SRGAP3: variants seen among roughly 807,000 people sequenced by gnomAD.
SRGAP3 encodes the protein SLIT-ROBO Rho GTPase-activating protein 3.
In SRGAP3, 39 loss-of-function variants were observed where a neutral mutation model predicts 121.1. The observed-to-expected ratio is 0.32, with a 90% confidence interval of 0.25 to 0.42. SRGAP3 has a LOEUF of 0.42. Ranked by LOEUF, SRGAP3 falls within the 10% of genes least tolerant of loss-of-function variation. The probability of loss-of-function intolerance (pLI) is 1.00; values close to 1 mark genes in which losing one functional copy is unlikely to be tolerated. For synonymous variants in SRGAP3, 601 were observed against 570.0 expected, an observed-to-expected ratio of 1.05 and a Z score of -0.77; for missense variants, 1,213 against 1,470.6, an observed-to-expected ratio of 0.82 and a Z score of 2.86.
At chr3:9,282,611 C>A (rs1954699790) in intron 3 of SRGAP3, among the ~76,000 whole-genome samples, 1 of 152,048 alleles carries the variant, frequency 6.6e-6, no homozygotes, top group African/African-American at 2.4e-5. Flanking sequence ...CTGCCTCAGC[C>A]TCCCAAGTAG....
At chr3:9,258,929 G>A (rs923533876) in intron 3 of SRGAP3, among the ~76,000 whole-genome samples, 10 of 152,108 alleles carry the variant, frequency 6.6e-5, no homozygotes, top group East Asian at 1.9e-4. Flanking sequence ...ATAATTTCCC[G>A]TGGGCAGCCT....
chr3:9,266,438 G>C (rs1476451448), intron 3 of SRGAP3, among the ~76,000 whole-genome samples: 2 of 152,076 alleles, frequency 1.3e-5, no homozygotes, highest in Non-Finnish European at 2.9e-5. Context: ...GAGCCACCTA[G>C]AGTGTCTGTT....
At chr3:9,299,520 T>C (rs1955012904) in intron 3 of SRGAP3, among the ~76,000 whole-genome samples, 1 of 152,196 alleles carries the variant, frequency 6.6e-6, no homozygotes, top group South Asian at 2.1e-4. Flanking sequence ...AATCATGAGC[T>C]ATCATAAAAC....
intron 19 of SRGAP3, among the ~76,000 whole-genome samples, chr3:8,993,804 G>C (rs144902843): frequency 1.3e-3 from 203 of 152,358 alleles, no homozygotes; most frequent in African/African-American, 4.6e-3. Context: ...CAAGGAAGGT[G>C]TGCACTGGAA....
At chr3:9,160,457 C>T (rs1317379860) in intron 1 of SRGAP3, among the ~76,000 whole-genome samples, 1 of 152,166 alleles carries the variant, frequency 6.6e-6, no homozygotes, top group African/African-American at 2.4e-5. Flanking sequence ...TAGAGAGGTC[C>T]ACGTGGCGAG....
intron 1 of SRGAP3, among the ~76,000 whole-genome samples, chr3:9,245,862 T>A (rs1290539610): frequency 6.6e-6 from 1 of 152,122 alleles, no homozygotes; most frequent in African/African-American, 2.4e-5. Flanking sequence ...AGGCGGAGAT[T>A]GCAGTGAGTC....
At chr3:9,043,799 A>G (rs1241476325) in intron 10 of SRGAP3, among the ~76,000 whole-genome samples, 1 of 152,184 alleles carries the variant, frequency 6.6e-6, no homozygotes, top group Admixed American at 6.5e-5. Flanking sequence ...AGTTGGCATG[A>G]AAAGGTCATG....
intron 1 of SRGAP3, among the ~76,000 whole-genome samples, chr3:9,184,416 A>G (rs1177762008): frequency 6.6e-6 from 1 of 152,202 alleles, no homozygotes; most frequent in East Asian, 1.9e-4. Context: ...TTTGAGCGTC[A>G]GTTTCTTCAT....
intron 8 of SRGAP3, among the ~76,000 whole-genome samples, chr3:9,055,324 C>A (rs373238117): frequency 3.6e-4 from 55 of 152,340 alleles, no homozygotes; most frequent in African/African-American, 1.2e-3. Flanking sequence ...CCACCTCCCC[C>A]ATGACTGCAC....
At chr3:9,209,159 C>T (rs763283511) in intron 1 of SRGAP3, among the ~76,000 whole-genome samples, 16 of 152,192 alleles carry the variant, frequency 1.1e-4, no homozygotes, top group Non-Finnish European at 1.9e-4. Flanking sequence ...TTATAAATAG[C>T]TAAGTGATAC....
In SRGAP3 at chr3:9,136,349, C is replaced by T. The variant is rs948300435; in HGVS notation, c.68-11432G>A. 2.6e-4 allele frequency among the ~76,000 whole-genome samples: 40 copies of T among 151,286 alleles called. 1 individual carries two copies. Among genetic ancestry groups the T allele is most frequent in the African/African-American group, 9.0e-4 (37 of 41,248 alleles). On this transcript the variant is annotated intron_variant, in intron 1 of 21. Transcript: ENST00000383836. Reference sequence around the variant, plus strand: ...GGGCTGGAGGCAGCAGATGCCGGGCCGGGGTCAGCCGCCGCGCGCCGTTGC... The same window carrying T: ...GGGCTGGAGGCAGCAGATGCCGGGCTGGGGTCAGCCGCCGCGCGCCGTTGC...
At chr3:9,272,761 A>G (rs1954501395) in intron 3 of SRGAP3, among the ~76,000 whole-genome samples, 2 of 151,990 alleles carry the variant, frequency 1.3e-5, no homozygotes, top group South Asian at 2.1e-4. Context: ...TATTTTTTGT[A>G]TATACCTAGA....
At chr3:9,180,317 AG>A (rs1951336869) in intron 1 of SRGAP3, among the ~76,000 whole-genome samples, 1 of 152,236 alleles carries the variant, frequency 6.6e-6, no homozygotes, top group African/African-American at 2.4e-5. Flanking sequence ...TCCCACCCAC[AG>A]AAAGACACGG....
intron 1 of SRGAP3, among the ~76,000 whole-genome samples, chr3:9,351,453 C>T (rs2030148010): frequency 6.6e-6 from 1 of 152,036 alleles, no homozygotes; most frequent in South Asian, 2.1e-4. Flanking sequence ...CGTTAGAGTT[C>T]CAATTCACAA....
chr3:9,107,035 C>G (rs1448929193), intron 2 of SRGAP3, among the ~76,000 whole-genome samples: 1 of 152,120 alleles, frequency 6.6e-6, no homozygotes, highest in Non-Finnish European at 1.5e-5. Context: ...TCTATCTAGG[C>G]AGCAGAAATT....
At chr3:9,362,411 G>T (rs1191291905) in intron 1 of SRGAP3, among the ~76,000 whole-genome samples, 3 of 150,298 alleles carry the variant, frequency 2.0e-5, no homozygotes, top group Non-Finnish European at 4.4e-5. Flanking sequence ...TGATCCACCC[G>T]CCTCAGCCTC....
At chr3:9,269,890 A>C (rs2125259995) in intron 3 of SRGAP3, among the ~76,000 whole-genome samples, 1 of 151,718 alleles carries the variant, frequency 6.6e-6, no homozygotes, top group East Asian at 1.9e-4. Flanking sequence ...GGAGGGACAG[A>C]GGGAGGAAGG....
At chr3:9,049,565 T>C (rs527703425) in intron 9 of SRGAP3, 1 of 451,000 alleles carries the variant, frequency 2.2e-6, no homozygotes, top group East Asian at 7.0e-5. Context: ...TCCTCCCCAG[T>C]GTAAACTGAG....
Position 8,985,584 on chromosome 3 carries a change from G to GGCTGCCCACGCCCGA in SRGAP3, c.3220_3234dup (p.Ser1074_Ser1078dup), listed in dbSNP as rs1438499185. The GGCTGCCCACGCCCGA allele has an allele frequency of 1.3e-6, 2 of 1,549,750 alleles. No individual in the cohort carries two copies. The highest frequency in any genetic ancestry group is 1.5e-5 in the African/African-American group (1 of 67,066). On this transcript the variant is annotated inframe_insertion, in exon 22 of 22. Coordinates refer to ENST00000383836, the MANE Select transcript of SRGAP3 (RefSeq NM_014850.4). This position sits in a 1 kb window ranked among gnomAD's most constrained non-coding sequence, Gnocchi z 5.1. ...ATCTTCTCGGTGGGCGTCACGGCCGGGCTGCCCACGCCCGAGCTGCTGCTG... is the reference window on the plus strand; with the variant it reads ...ATCTTCTCGGTGGGCGTCACGGCCGGGCTGCCCACGCCCGAGCTGCCCACGCCCGAGCTGCTGCTG...
Sources: allele counts gnomAD v4.1 joint callset (sites outside exome capture counted in the v4.1 genomes callset), GRCh38; gene constraint gnomAD v4.1.1; non-coding constraint Gnocchi (gnomAD v3.1); transcripts MANE v1.5; gene names NCBI Gene and HGNC (gene_info 2026-07-23, HGNC 2026-07-21).